Variants in CPAP observed in about 807,000 individuals in gnomAD.
CPAP encodes centrosomal P4.1-associated protein.
chr13:24,883,393 A>G, the CPAP span: 2 of 1,515,834 alleles, frequency 1.3e-6, no homozygotes, highest in Non-Finnish European at 1.8e-6. Context: ...AAAAAATATG[A>G]TTTCTTAAAA....
At chr13:24,914,411 A>C in the CPAP span, among the ~76,000 whole-genome samples, 1 of 152,116 alleles carries the variant, frequency 6.6e-6, no homozygotes, top group Non-Finnish European at 1.5e-5. Context: ...TTCACTTCTT[A>C]CACAGTAATC....
chr13:24,896,940 C>T, the CPAP span, among the ~76,000 whole-genome samples: 8 of 152,264 alleles, frequency 5.3e-5, no homozygotes, highest in Admixed American at 3.9e-4. Flanking sequence ...AAGTATATGT[C>T]TTGTTCACTA....
chr13:24,907,813 A>T, the CPAP span, among the ~76,000 whole-genome samples: 1 of 152,232 alleles, frequency 6.6e-6, no homozygotes, highest in Non-Finnish European at 1.5e-5. Context: ...AAAAGCTTCG[A>T]GAATACAATG....
the CPAP span, chr13:24,905,329 A>G: frequency 2.0e-5 from 32 of 1,609,316 alleles, no homozygotes; most frequent in Admixed American, 4.3e-4. Flanking sequence ...TACATATTTT[A>G]TAATGCTCTG....
At chr13:24,894,005 G>A in the CPAP span, among the ~76,000 whole-genome samples, 5 of 152,094 alleles carry the variant, frequency 3.3e-5, no homozygotes, top group Admixed American at 6.5e-5. Flanking sequence ...GAGGCAGGAT[G>A]ACACGTGCTG....
At chr13:24,913,015 A>G in the CPAP span, 1 of 1,613,818 alleles carries the variant, frequency 6.2e-7, no homozygotes, top group South Asian at 1.1e-5. Flanking sequence ...AGAGGTTGGC[A>G]TCAGGAACAT....
the CPAP span, among the ~76,000 whole-genome samples, chr13:24,902,515 A>G: frequency 6.6e-6 from 1 of 152,242 alleles, no homozygotes; most frequent in Non-Finnish European, 1.5e-5. Flanking sequence ...ACTGCAGATT[A>G]TAGTATAGTA....
At chr13:24,926,789 A>G in the CPAP span, among the ~76,000 whole-genome samples, 1 of 152,216 alleles carries the variant, frequency 6.6e-6, no homozygotes, top group East Asian at 1.9e-4. Context: ...GCAATCAGGT[A>G]TATGAGCCCA....
the CPAP span, among the ~76,000 whole-genome samples, chr13:24,916,340 A>C: frequency 6.6e-6 from 1 of 152,212 alleles, no homozygotes; most frequent in African/African-American, 2.4e-5. Context: ...AAAATGAAAA[A>C]GGGCAATGTG....
the CPAP span, among the ~76,000 whole-genome samples, chr13:24,895,394 T>C: frequency 6.6e-6 from 1 of 151,786 alleles, no homozygotes; most frequent in Non-Finnish European, 1.5e-5. Flanking sequence ...GCTAACACGG[T>C]GAAACCCCGT....
the CPAP span, among the ~76,000 whole-genome samples, chr13:24,914,500 T>G: frequency 3.9e-5 from 6 of 152,162 alleles, no homozygotes; most frequent in African/African-American, 1.2e-4. Context: ...AAATCCCCAT[T>G]ATCCTCAACC....
the CPAP span, among the ~76,000 whole-genome samples, chr13:24,901,855 G>C: frequency 6.6e-6 from 1 of 152,314 alleles, no homozygotes; most frequent in African/African-American, 2.4e-5. Context: ...AGCTGGGCGT[G>C]GTGGTGCGTG....
the CPAP span, among the ~76,000 whole-genome samples, chr13:24,918,034 C>T: frequency 1.3e-5 from 2 of 152,100 alleles, no homozygotes; most frequent in Non-Finnish European, 2.9e-5. Context: ...AGTTTTGGAG[C>T]GGACAGTCAA....
chr13:24,888,484 C>A, the CPAP span, among the ~76,000 whole-genome samples: 1 of 152,146 alleles, frequency 6.6e-6, no homozygotes, highest in African/African-American at 2.4e-5. Context: ...TACCAGCTCA[C>A]GGAATCAACC....
chr13:24,931,292 A>AT, the CPAP span, among the ~76,000 whole-genome samples: 2 of 55,760 alleles, frequency 3.6e-5, no homozygotes, highest in African/African-American at 1.8e-4. Context: ...TGATTTGGCC[A>AT]TTTTTTCATG....
At chr13:24,883,183 C>T in the CPAP span, 1 of 1,613,816 alleles carries the variant, frequency 6.2e-7, no homozygotes, top group Non-Finnish European at 8.5e-7. Context: ...ATCGTCACAG[C>T]TCCGTGTCCA....
the CPAP span, among the ~76,000 whole-genome samples, chr13:24,919,919 A>T: frequency 2.6e-5 from 4 of 151,990 alleles, no homozygotes; most frequent in African/African-American, 9.7e-5. Context: ...ATGTGTCACC[A>T]TGCCCAGCTT....
the CPAP span, among the ~76,000 whole-genome samples, chr13:24,894,289 G>A: frequency 1.3e-5 from 2 of 152,314 alleles, no homozygotes; most frequent in Admixed American, 1.3e-4. Flanking sequence ...AGGCCAAGCC[G>A]CCAGCAAGTC....
At chr13:24,925,315 AAG>A in the CPAP span, among the ~76,000 whole-genome samples, 1 of 152,158 alleles carries the variant, frequency 6.6e-6, no homozygotes. Context: ...CTGAGTGACA[AAG>A]AGTTGACAGC....
Sources: allele counts gnomAD v4.1 joint callset (sites outside exome capture counted in the v4.1 genomes callset), GRCh38; gene constraint gnomAD v4.1.1; transcripts MANE v1.5; gene names NCBI Gene and HGNC (gene_info 2026-07-23, HGNC 2026-07-21).